Variants in AKT3 observed in about 807,000 individuals in gnomAD.
The protein encoded by AKT3 is RAC-gamma serine/threonine-protein kinase.
In AKT3, 15 loss-of-function variants were observed where a neutral mutation model predicts 65.3. The ratio of observed to expected loss-of-function variants is 0.23; its 90% CI spans 0.15 to 0.35. AKT3 has a LOEUF of 0.35. Ranked by LOEUF, AKT3 falls within the 10% of genes least tolerant of loss-of-function variation. The pLI, the probability that AKT3 is intolerant of heterozygous loss-of-function variation, is 1.00. For synonymous variants in AKT3, 206 were observed against 183.8 expected, an observed-to-expected ratio of 1.12 and a Z score of -0.98; for missense variants, 243 against 576.5, an observed-to-expected ratio of 0.42 and a Z score of 5.92.
intron 2 of AKT3, among the ~76,000 whole-genome samples, chr1:243,782,274 G>C (rs1198896309): frequency 3.3e-5 from 5 of 152,030 alleles, no homozygotes; most frequent in African/African-American, 1.2e-4. Flanking sequence ...TCTTAAGTCT[G>C]CTTGGGCAAC....
At chr1:243,522,910 G>T (rs1185642346) in intron 12 of AKT3, among the ~76,000 whole-genome samples, 1 of 152,076 alleles carries the variant, frequency 6.6e-6, no homozygotes, top group Non-Finnish European at 1.5e-5. Context: ...TCTCTGTCCA[G>T]GTTCTAGCAC....
intron 6 of AKT3, among the ~76,000 whole-genome samples, chr1:243,625,748 G>C (rs868358216): frequency 3.9e-5 from 6 of 152,196 alleles, no homozygotes; most frequent in Non-Finnish European, 8.8e-5. Flanking sequence ...GATTGTGAGA[G>C]TGACTAACTT....
intron 4 of AKT3, 84 bp from the exon 5 acceptor site, chr1:243,646,121 C>T: frequency 8.5e-7 from 1 of 1,173,776 alleles, no homozygotes. Context: ...GAAATCAATA[C>T]AAATAAAATC....
intron 2 of AKT3, among the ~76,000 whole-genome samples, chr1:243,811,009 T>A (rs1169289302): frequency 2.0e-5 from 3 of 152,180 alleles, no homozygotes; most frequent in African/African-American, 7.2e-5. Context: ...AATTAGGTAT[T>A]GATGGGACGT....
intron 4 of AKT3, among the ~76,000 whole-genome samples, chr1:243,655,419 A>G (rs1558688695): frequency 3.3e-5 from 5 of 152,054 alleles, no homozygotes; most frequent in Admixed American, 1.3e-4. Context: ...TCTTTTATCT[A>G]GAGTTCCTAT....
chr1:243,520,999 A>G (rs548001511), intron 12 of AKT3, among the ~76,000 whole-genome samples: 3 of 152,234 alleles, frequency 2.0e-5, no homozygotes, highest in Non-Finnish European at 4.4e-5. Flanking sequence ...CCATGAGTGT[A>G]TGCATGAACA....
chr1:243,708,040 G>C (rs1481698346), intron 2 of AKT3, among the ~76,000 whole-genome samples: 3 of 151,936 alleles, frequency 2.0e-5, no homozygotes, highest in Non-Finnish European at 4.4e-5. Context: ...TTGAATACTA[G>C]AATATCTGCT....
At chr1:243,760,919 T>C (rs1020611641) in intron 2 of AKT3, among the ~76,000 whole-genome samples, 1 of 152,148 alleles carries the variant, frequency 6.6e-6, no homozygotes, top group African/African-American at 2.4e-5. Context: ...TAATATTAAA[T>C]AAGATGTCCT....
chr1:243,637,417 T>C (rs1027031236), intron 6 of AKT3, among the ~76,000 whole-genome samples, 194 bp downstream of exon 6: 1 of 152,064 alleles, frequency 6.6e-6, no homozygotes, highest in African/African-American at 2.4e-5. Flanking sequence ...GTATATAATA[T>C]ACAAATATTA....
chr1:243,689,085 C>T (rs1684521916), intron 3 of AKT3, among the ~76,000 whole-genome samples: 1 of 152,196 alleles, frequency 6.6e-6, no homozygotes, highest in African/African-American at 2.4e-5. Context: ...CTACTTTCTA[C>T]AGAATTCATT....
chr1:243,507,783 T>C (rs147449324), intron 13 of AKT3, among the ~76,000 whole-genome samples: 2 of 152,342 alleles, frequency 1.3e-5, no homozygotes, highest in African/African-American at 2.4e-5. Flanking sequence ...AATGGCATTA[T>C]ATGGCAGTAA....
At chr1:243,632,937 G>T (rs1447514699) in intron 6 of AKT3, among the ~76,000 whole-genome samples, 2 of 152,176 alleles carry the variant, frequency 1.3e-5, no homozygotes, top group Non-Finnish European at 2.9e-5. Context: ...TTTGGCTTAA[G>T]GGAATGTTGC....
chr1:243,495,005 G>A (rs965220041), downstream of AKT3, among the ~76,000 whole-genome samples: 8 of 152,306 alleles, frequency 5.3e-5, no homozygotes, highest in Admixed American at 5.2e-4. Flanking sequence ...TGTCCTTTGG[G>A]AATTCTTAAA....
chr1:243,819,613 A>G (rs1693736123), intron 2 of AKT3, among the ~76,000 whole-genome samples: 1 of 152,200 alleles, frequency 6.6e-6, no homozygotes, highest in Admixed American at 6.5e-5. Flanking sequence ...GACAATCCCC[A>G]GCACAGTGCA....
intron 2 of AKT3, among the ~76,000 whole-genome samples, chr1:243,776,959 TAAAC>T (rs1047559931): frequency 6.6e-6 from 1 of 152,102 alleles, no homozygotes; most frequent in Admixed American, 6.5e-5. Context: ...TTTGGTGAAA[TAAAC>T]AGAAAACCAT....
At chr1:243,743,399 T>G (rs1336149422) in intron 2 of AKT3, among the ~76,000 whole-genome samples, 1 of 152,222 alleles carries the variant, frequency 6.6e-6, no homozygotes, top group African/African-American at 2.4e-5. Context: ...TTTCTAGTCT[T>G]GTTTTCAAAA....
chr1:243,656,006 C>T (rs541483168), intron 4 of AKT3, among the ~76,000 whole-genome samples: 1 of 150,058 alleles, frequency 6.7e-6, no homozygotes, highest in Non-Finnish European at 1.5e-5. Flanking sequence ...TCCAGCTTCA[C>T]TAGTGGTAGT....
chr1:243,616,946 T>G (rs187095176), intron 6 of AKT3, among the ~76,000 whole-genome samples: 1 of 152,174 alleles, frequency 6.6e-6, no homozygotes, highest in South Asian at 2.1e-4. Context: ...CCTAAGTTAA[T>G]TAGAATAGCA....
chr1:243,793,072 T>C (rs1434404422), intron 2 of AKT3: 3 of 152,184 alleles, frequency 2.0e-5, no homozygotes, highest in African/African-American at 7.2e-5. Context: ...GCAGCAGCAC[T>C]TACAATGTCA....
Sources: gnomAD v4.1 joint callset for allele counts (sites outside exome capture counted in the v4.1 genomes callset) on GRCh38, gnomAD v4.1.1 for gene constraint, MANE v1.5 for transcripts, NCBI Gene and HGNC (gene_info 2026-07-23, HGNC 2026-07-21) for gene names.